The following CDKAL1 variants were observed in gnomAD, a reference collection of about 807,000 sequenced individuals.
CDKAL1 encodes threonylcarbamoyladenosine tRNA methylthiotransferase.
In CDKAL1, 32 loss-of-function variants were observed where a neutral mutation model predicts 68.2. The observed-to-expected ratio is 0.47, with a 90% CI of 0.35 to 0.63. CDKAL1 has a LOEUF of 0.63. Ranked by LOEUF, CDKAL1 falls within the 30% of genes least tolerant of loss-of-function variation. CDKAL1 has a pLI of 0.00. For synonymous variants in CDKAL1, 234 were observed against 244.3 expected (o/e 0.96, Z 0.39); for missense variants, 606 against 696.7 (o/e 0.87, Z 1.47).
chr6:21,204,348 CT>C lies in CDKAL1; in HGVS notation c.1548+3075del, dbSNP rs1253168715. On this transcript the variant is annotated intron_variant, in intron 15 of 15. Transcript: ENST00000274695. ...ATGCCATCTGTGTTCTTATCTACCC[CT>C]ATTCCCCCAACCCTGATTATTTTGA... 2.0e-5 allele frequency among the ~76,000 whole-genome samples: 3 copies of C among 152,306 alleles called. No individual in the cohort carries two copies. In the East Asian group the frequency reaches 5.8e-4, roughly 29 times the overall value.
At chr6:20,633,863 T>C (rs1270669275) in intron 4 of CDKAL1, among the ~76,000 whole-genome samples, 1 of 152,224 alleles carries the variant, frequency 6.6e-6, no homozygotes, top group Non-Finnish European at 1.5e-5. Context: ...CATTTTTAAA[T>C]TGGATTGTCT....
intron 13 of CDKAL1, among the ~76,000 whole-genome samples, chr6:21,174,705 T>C (rs1582357092): frequency 6.7e-6 from 1 of 150,354 alleles, no homozygotes; most frequent in Non-Finnish European, 1.5e-5. Flanking sequence ...AAAAACACAT[T>C]GATAAGGCCA....
chr6:20,765,930 G>GAAGAT (rs201098770), intron 7 of CDKAL1, among the ~76,000 whole-genome samples: 11,304 of 152,208 alleles, frequency 0.074, 543 homozygotes, highest in Non-Finnish European at 0.11. Context: ...AGATGCTCTA[G>GAAGAT]AAAAAGTCTT....
intron 8 of CDKAL1, among the ~76,000 whole-genome samples, chr6:20,822,603 C>T (rs192494505): frequency 2.6e-5 from 4 of 152,222 alleles, no homozygotes; most frequent in Admixed American, 6.5e-5. Flanking sequence ...TCCTGTAATC[C>T]GCATAATCCC....
At chr6:20,851,026 T>C (rs1758981746) in intron 9 of CDKAL1, among the ~76,000 whole-genome samples, 1 of 152,166 alleles carries the variant, frequency 6.6e-6, no homozygotes, top group Admixed American at 6.5e-5. Context: ...TGGCGTTTTT[T>C]TTTTCTCTCT....
intron 12 of CDKAL1, among the ~76,000 whole-genome samples, chr6:21,074,344 TAA>T (rs1181042147): frequency 5.3e-5 from 8 of 152,176 alleles, no homozygotes; most frequent in African/African-American, 1.9e-4. Flanking sequence ...TTAAAAGGAC[TAA>T]GTCATATTGG....
At chr6:20,851,283 C>G (rs1758998004) in intron 9 of CDKAL1, among the ~76,000 whole-genome samples, 2 of 152,128 alleles carry the variant, frequency 1.3e-5, no homozygotes, top group Admixed American at 1.3e-4. Flanking sequence ...TTTTAGATAT[C>G]TAGAAAAACA....
chr6:21,044,482 A>G (rs1417175049), intron 11 of CDKAL1, among the ~76,000 whole-genome samples: 1 of 152,218 alleles, frequency 6.6e-6, no homozygotes, highest in African/African-American at 2.4e-5. Context: ...ATTGGTGGTC[A>G]CAGACAAAAC....
At chr6:20,889,729 G>T (rs1303482915) in intron 9 of CDKAL1, among the ~76,000 whole-genome samples, 1 of 152,024 alleles carries the variant, frequency 6.6e-6, no homozygotes, top group Non-Finnish European at 1.5e-5. Flanking sequence ...TCTCTGTTTT[G>T]GTACCAGTAA....
chr6:21,120,237 G>T (rs1774638819), intron 13 of CDKAL1, among the ~76,000 whole-genome samples: 1 of 152,178 alleles, frequency 6.6e-6, no homozygotes, highest in African/African-American at 2.4e-5. Context: ...CTTGAATTAT[G>T]GACTAGAATT....
intron 10 of CDKAL1, among the ~76,000 whole-genome samples, chr6:20,994,538 A>G (rs142620889): frequency 2.6e-5 from 4 of 152,296 alleles, no homozygotes; most frequent in African/African-American, 9.6e-5. Flanking sequence ...GCATACCTTT[A>G]GAAATATAAT....
In CDKAL1 at chr6:20,602,472, T is replaced by TAGAC. The variant is rs577276745; in HGVS notation, c.287-46819_287-46818insACAG. Among the ~76,000 whole-genome samples the TAGAC allele has an allele frequency of 2.0e-3, 310 of 152,272 alleles. 1 individual carries two copies. The highest frequency in any genetic ancestry group is 6.8e-3 in the African/African-American group (284 of 41,554). On this transcript the variant is annotated intron_variant, in intron 4 of 15. Coordinates refer to ENST00000274695, the MANE Select transcript of CDKAL1 (RefSeq NM_017774.3). Reference sequence around the variant, plus strand: ...TTATTCTGGATAGTCTCTCAGCCCTTAGGGAGGAATGGGGTTAGCTTGCTA... The same window carrying TAGAC: ...TTATTCTGGATAGTCTCTCAGCCCTTAGACAGGGAGGAATGGGGTTAGCTTGCTA...
intron 4 of CDKAL1, among the ~76,000 whole-genome samples, chr6:20,568,659 T>C (rs1464253238): frequency 7.7e-5 from 11 of 142,534 alleles, no homozygotes; most frequent in South Asian, 4.4e-4. Flanking sequence ...GGCGTGAACC[T>C]GGGAGGCGGA....
At chr6:21,192,983 AT>A (rs1158176455) in intron 13 of CDKAL1, among the ~76,000 whole-genome samples, 3 of 151,454 alleles carry the variant, frequency 2.0e-5, no homozygotes, top group Admixed American at 6.6e-5. Flanking sequence ...CACCCTGCTA[AT>A]TTTTTTTATT....
chr6:20,988,270 C>A (rs1304058825), intron 10 of CDKAL1, among the ~76,000 whole-genome samples: 1 of 149,420 alleles, frequency 6.7e-6, no homozygotes, highest in Admixed American at 6.7e-5. Flanking sequence ...TTTGAGCCCT[C>A]AAAGGATTGG....
At chr6:20,726,739 G>A (rs905456934) in intron 5 of CDKAL1, among the ~76,000 whole-genome samples, 6 of 152,232 alleles carry the variant, frequency 3.9e-5, no homozygotes, top group Admixed American at 3.9e-4. Flanking sequence ...CACCAGTTCT[G>A]TATTACACAG....
chr6:20,993,107 G>GA (rs1404404549), intron 10 of CDKAL1, among the ~76,000 whole-genome samples: 1 of 152,050 alleles, frequency 6.6e-6, no homozygotes. Flanking sequence ...TGAAATGAGG[G>GA]AAAATGGGAG....
chr6:21,032,549 G>A (rs1769353152), intron 11 of CDKAL1, among the ~76,000 whole-genome samples: 1 of 152,062 alleles, frequency 6.6e-6, no homozygotes, highest in Non-Finnish European at 1.5e-5. Context: ...AAAGTAATGT[G>A]CTACATAACA....
At chr6:20,658,899 C>T (rs2127768936) in intron 5 of CDKAL1, among the ~76,000 whole-genome samples, 1 of 152,326 alleles carries the variant, frequency 6.6e-6, no homozygotes, top group African/African-American at 2.4e-5. Flanking sequence ...ACTGTAGCCT[C>T]ATCCTCCTGG....
Sources: allele counts gnomAD v4.1 joint callset (sites outside exome capture counted in the v4.1 genomes callset), GRCh38; gene constraint gnomAD v4.1.1; transcripts MANE v1.5; gene names NCBI Gene and HGNC (gene_info 2026-07-23, HGNC 2026-07-21).